Variants in DCC observed in about 807,000 individuals in gnomAD.
DCC encodes the protein netrin receptor DCC.
DCC carries 58 observed loss-of-function variants against 172.5 expected under a neutral mutation model. The ratio of observed to expected loss-of-function variants is 0.34; its 90% confidence interval spans 0.27 to 0.42. DCC has a LOEUF of 0.42. Among genes scored for constraint, DCC ranks in the 10% least tolerant of loss-of-function variants. The probability of loss-of-function intolerance (pLI) is 1.00; values close to 1 mark genes in which losing one functional copy is unlikely to be tolerated. For synonymous variants in DCC, 709 were observed against 644.5 expected, an observed-to-expected ratio of 1.10 and a Z score of -1.52; for missense variants, 1,740 against 1,791.0, an observed-to-expected ratio of 0.97 and a Z score of 0.51.
intron 27 of DCC, among the ~76,000 whole-genome samples, chr18:53,508,844 C>A (rs1598825115): frequency 6.6e-6 from 1 of 152,188 alleles, no homozygotes; most frequent in African/African-American, 2.4e-5. Flanking sequence ...TTCATTTGGA[C>A]AGGGCTTGCT....
In DCC at chr18:53,397,324, C is replaced by A; in HGVS notation, c.2705C>A (p.Ser902Tyr). ...SAKYKSEDTT[S>Y]LSYTATGLKP... is the part of the protein sequence containing the mutation. ...CTTGTATAGTCAGAAGACACAACAT[C>A]TCTAAGTTACACAGCAACAGGCCTC... The change falls in exon 18 of 29, where the codon TCT becomes TAT. Residue 902 changes from serine to tyrosine, a missense_variant. Coordinates refer to ENST00000442544, the MANE Select transcript of DCC (RefSeq NM_005215.4). 6.2e-7 allele frequency: 1 copy of A among 1,613,724 alleles called. No individual in the cohort carries two copies. Among genetic ancestry groups the A allele is most frequent in the Non-Finnish European group, 8.5e-7 (1 of 1,179,762 alleles).
At chr18:52,367,782 T>C (rs1984945007) in intron 1 of DCC, among the ~76,000 whole-genome samples, 1 of 152,192 alleles carries the variant, frequency 6.6e-6, no homozygotes. Flanking sequence ...AGCAGGAAAC[T>C]CGCACTGAGG....
At chr18:52,461,125 A>G (rs1349205279) in intron 1 of DCC, among the ~76,000 whole-genome samples, 9 of 152,184 alleles carry the variant, frequency 5.9e-5, no homozygotes, top group Non-Finnish European at 1.0e-4. Flanking sequence ...TTTGTTCTAT[A>G]AGCTTTTCTC....
At chr18:53,401,563 G>A (rs1909295622) in intron 18 of DCC, among the ~76,000 whole-genome samples, 1 of 151,860 alleles carries the variant, frequency 6.6e-6, no homozygotes, top group South Asian at 2.1e-4. Context: ...TGCAATATAT[G>A]ACCAACAGAA....
At chr18:53,376,045 A>T (rs1322689576) in intron 15 of DCC, among the ~76,000 whole-genome samples, 3 of 152,120 alleles carry the variant, frequency 2.0e-5, no homozygotes, top group Non-Finnish European at 1.5e-5. Flanking sequence ...AGGGATGATC[A>T]TTCCTACTCT....
chr18:53,048,244 T>C (rs975665020), intron 5 of DCC, among the ~76,000 whole-genome samples: 6 of 151,298 alleles, frequency 4.0e-5, no homozygotes, highest in Non-Finnish European at 8.8e-5. Context: ...ACCCAATAGG[T>C]ATTTTTTTTT....
At chr18:53,286,339 T>G (rs1057445911) in intron 12 of DCC, among the ~76,000 whole-genome samples, 1 of 152,114 alleles carries the variant, frequency 6.6e-6, no homozygotes, top group South Asian at 2.1e-4. Context: ...GTACTCATGA[T>G]AGTGAGTGGG....
chr18:52,812,596 G>T (rs1182240700), intron 2 of DCC, among the ~76,000 whole-genome samples: 1 of 152,200 alleles, frequency 6.6e-6, no homozygotes, highest in Admixed American at 6.5e-5. Flanking sequence ...GATTTAGTTA[G>T]ATAGCCAAAA....
intron 1 of DCC, among the ~76,000 whole-genome samples, chr18:52,489,235 TAG>T (rs1208649611): frequency 6.6e-6 from 1 of 152,088 alleles, no homozygotes; most frequent in Non-Finnish European, 1.5e-5. Context: ...AAGCTCTCCG[TAG>T]TCAACTTTAG....
chr18:53,177,236 C>T (rs887200742), intron 8 of DCC, among the ~76,000 whole-genome samples: 23 of 151,692 alleles, frequency 1.5e-4, no homozygotes, highest in African/African-American at 4.6e-4. Flanking sequence ...TGCTAGATGA[C>T]GAGTTAGTGG....
At position 53,082,971 on chromosome 18, in the gene DCC, G is replaced by A. The variant is rs148636583; in HGVS notation, c.1261+16805G>A. ...ATATATGCCTACCACTGTAACACTGGCCCACTTTGTTCTTCATGCTAGATT... is the reference window on the plus strand; with the variant it reads ...ATATATGCCTACCACTGTAACACTGACCCACTTTGTTCTTCATGCTAGATT... On this transcript the variant is annotated intron_variant, in intron 7 of 28. Coordinates refer to ENST00000442544, the MANE Select transcript of DCC (RefSeq NM_005215.4). Among the ~76,000 whole-genome samples the A allele has an allele frequency of 5.8e-3, 886 of 151,804 alleles. 6 individuals are homozygous for A. The highest frequency in any genetic ancestry group is 0.02 in the African/African-American group (833 of 41,420).
At chr18:53,002,022 A>C (rs2041573056) in intron 5 of DCC, among the ~76,000 whole-genome samples, 1 of 152,114 alleles carries the variant, frequency 6.6e-6, no homozygotes, top group African/African-American at 2.4e-5. Flanking sequence ...GGAGATGAGA[A>C]GATTTTTCCA....
At chr18:53,164,491 T>C (rs959005309) in intron 8 of DCC, among the ~76,000 whole-genome samples, 2 of 152,200 alleles carry the variant, frequency 1.3e-5, no homozygotes, top group Admixed American at 1.3e-4. Flanking sequence ...TATAACACAG[T>C]ATAGCCAAAA....
chr18:53,306,118 T>G (rs537819221), intron 13 of DCC, among the ~76,000 whole-genome samples: 1 of 152,164 alleles, frequency 6.6e-6, no homozygotes, highest in Non-Finnish European at 1.5e-5. Flanking sequence ...GGTTGAAAAC[T>G]GAAGAAAAGG....
intron 1 of DCC, among the ~76,000 whole-genome samples, chr18:52,646,213 C>A (rs917152816): frequency 6.6e-6 from 1 of 152,146 alleles, no homozygotes; most frequent in Non-Finnish European, 1.5e-5. Context: ...ATAATAAATG[C>A]GCTTTCTAAT....
intron 27 of DCC, among the ~76,000 whole-genome samples, chr18:53,502,207 G>GTTTT (rs926034734): frequency 5.3e-5 from 8 of 152,008 alleles, no homozygotes; most frequent in African/African-American, 1.7e-4. Context: ...TTGATTTTAT[G>GTTTT]TTTTTTATAG....
rs141607527 is a variant in DCC, at chr18:53,469,558, T to C, written c.3736+1548T>C. ...ATCCTTGTCCTTCCATCAAATCTAA[T>C]TGATCTGTTAGTGCTGCTCTCTGAG... is the stretch of plus-strand genomic sequence containing the variant. On this transcript the variant is annotated intron_variant, in intron 25 of 28. Coordinates refer to ENST00000442544, the MANE Select transcript of DCC (RefSeq NM_005215.4). Among the ~76,000 whole-genome samples, 305 of 152,330 alleles carry C rather than the reference T, an allele frequency of 2.0e-3. 2 individuals are homozygous for C. The highest frequency in any genetic ancestry group is 7.2e-3 in the African/African-American group (299 of 41,576).
At chr18:52,587,435 C>T (rs190352712) in intron 1 of DCC, among the ~76,000 whole-genome samples, 7 of 152,306 alleles carry the variant, frequency 4.6e-5, no homozygotes, top group Admixed American at 1.3e-4. Context: ...TAAGGTTGCC[C>T]GTTGGTGAGC....
At chr18:53,484,668 C>A (rs1269641589) in intron 25 of DCC, among the ~76,000 whole-genome samples, 2 of 152,034 alleles carry the variant, frequency 1.3e-5, no homozygotes, top group African/African-American at 4.8e-5. Context: ...TCCCCCAGCA[C>A]CATTTATGGA....
Sources: gnomAD v4.1 joint callset for allele counts (sites outside exome capture counted in the v4.1 genomes callset) on GRCh38, gnomAD v4.1.1 for gene constraint, MANE v1.5 for transcripts, NCBI Gene and HGNC (gene_info 2026-07-23, HGNC 2026-07-21) for gene names.